The following CCP110 variants were observed in gnomAD, a reference collection of about 807,000 sequenced individuals.
CCP110 encodes the protein centriolar coiled-coil protein 110.
A neutral mutation model predicts 105.5 loss-of-function variants in CCP110; 43 were observed. The observed-to-expected ratio is 0.41, with a 90% CI of 0.32 to 0.53. The LOEUF is 0.53. Ranked by LOEUF, CCP110 falls within the 20% of genes least tolerant of loss-of-function variation. CCP110 has a pLI of 0.32. For synonymous variants in CCP110, 353 were observed against 392.1 expected, an observed-to-expected ratio of 0.90 and a Z score of 1.18; for missense variants, 1,016 against 1,189.1, an observed-to-expected ratio of 0.85 and a Z score of 2.14.
chr16:19,533,847 C>G (rs1969959541), intron 3 of CCP110, among the ~76,000 whole-genome samples: 1 of 152,154 alleles, frequency 6.6e-6, no homozygotes, highest in Non-Finnish European at 1.5e-5. Context: ...TTGCAGCTAT[C>G]TGTTTAGGAA....
exon 4 of CCP110, chr16:19,537,568 G>A (rs139492936): frequency 6.4e-7 from 1 of 1,570,926 alleles, no homozygotes; most frequent in East Asian, 2.2e-5. Context: ...AGAATAAAAT[G>A]TTAGGAACTA....
intron 6 of CCP110, 76 bp from the exon 7 acceptor site, chr16:19,542,545 A>G (rs1970323147): frequency 1.8e-6 from 2 of 1,121,280 alleles, no homozygotes; most frequent in Non-Finnish European, 2.6e-6. Context: ...AATGAGTGTC[A>G]CAAGTGTTTA....
At chr16:19,534,641 GTCTTGTAC>G (rs112846252) in intron 3 of CCP110, among the ~76,000 whole-genome samples, 30,286 of 151,780 alleles carry the variant, frequency 0.2, 3,136 homozygotes, top group African/African-American at 0.23. Flanking sequence ...GACTAAGTAT[GTCTTGTAC>G]TCTTGTACTG....
At chr16:19,540,992 C>T (rs1014197405) in intron 5 of CCP110, among the ~76,000 whole-genome samples, 1 of 151,894 alleles carries the variant, frequency 6.6e-6, no homozygotes, top group African/African-American at 2.4e-5. Flanking sequence ...CATAATTTAT[C>T]GAGAATATTT....
exon 4 of CCP110, chr16:19,537,009 C>T: frequency 6.2e-7 from 1 of 1,614,180 alleles, no homozygotes; most frequent in South Asian, 1.1e-5. Context: ...AAAAATACAT[C>T]TGAAGTCAAA....
intron 4 of CCP110, among the ~76,000 whole-genome samples, chr16:19,538,074 T>C (rs548828032): frequency 1.3e-5 from 2 of 151,886 alleles, no homozygotes; most frequent in East Asian, 3.9e-4. Flanking sequence ...AGGATTTTCT[T>C]TTTTGAGACA....
At chr16:19,533,869 C>G (rs117946741) in intron 3 of CCP110, among the ~76,000 whole-genome samples, 3 of 152,248 alleles carry the variant, frequency 2.0e-5, no homozygotes, top group Non-Finnish European at 4.4e-5. Flanking sequence ...AAAAGGAAGG[C>G]AGTTTTTGTG....
At chr16:19,551,485 G>A in exon 15 of CCP110, 1 of 531,620 alleles carries the variant, frequency 1.9e-6, no homozygotes. Flanking sequence ...CATCATCTCT[G>A]TGCTTACCTA....
chr16:19,537,240 G>C, exon 4 of CCP110: 1 of 1,614,096 alleles, frequency 6.2e-7, no homozygotes. Flanking sequence ...ACTGTGAGTG[G>C]ACTCAAGCCA....
At chr16:19,544,921 C>A in intron 9 of CCP110, 23 bp downstream of exon 9, 2 of 1,251,058 alleles carry the variant, frequency 1.6e-6, no homozygotes, top group Non-Finnish European at 2.3e-6. Context: ...ATCCTGAAGG[C>A]TTTTAAGACA....
At chr16:19,551,068 T>C (rs148282221) in intron 14 of CCP110, 128 bp from the exon 14 acceptor site, 1 of 663,240 alleles carries the variant, frequency 1.5e-6, no homozygotes, top group Non-Finnish European at 2.7e-6. Flanking sequence ...GGATGATTCA[T>C]ATAAGGATTA....
At chr16:19,531,158 A>G (rs775140271) in intron 2 of CCP110, among the ~76,000 whole-genome samples, 13 of 152,190 alleles carry the variant, frequency 8.5e-5, no homozygotes, top group Non-Finnish European at 1.6e-4. Context: ...TTAAAACAAC[A>G]TATTTATCAG....
chr16:19,527,843 A>T, intron 1 of CCP110, 24 bp from the exon 2 acceptor site: 1 of 1,589,554 alleles, frequency 6.3e-7, no homozygotes, highest in Non-Finnish European at 8.6e-7. Flanking sequence ...AGTACATTAA[A>T]AATAACATTT....
intron 2 of CCP110, among the ~76,000 whole-genome samples, chr16:19,528,879 G>A (rs1969768389): frequency 6.6e-6 from 1 of 151,954 alleles, no homozygotes; most frequent in East Asian, 1.9e-4. Context: ...TACAGAGAAA[G>A]ACCCTATCCC....
At chr16:19,532,313 G>C in intron 2 of CCP110, 103 bp from the exon 3 acceptor site, 1 of 914,454 alleles carries the variant, frequency 1.1e-6, no homozygotes. Flanking sequence ...CTATACATTA[G>C]TTTTGCCTGT....
At chr16:19,526,394 G>A (rs1969673336) in intron 1 of CCP110, 2 of 152,130 alleles carry the variant, frequency 1.3e-5, no homozygotes, top group African/African-American at 2.4e-5. Context: ...CAGAAATGGG[G>A]TTAAGAAATA....
intron 4 of CCP110, among the ~76,000 whole-genome samples, chr16:19,539,782 G>A (rs1597267138): frequency 6.6e-6 from 1 of 151,628 alleles, no homozygotes; most frequent in Non-Finnish European, 1.5e-5. Context: ...AAGTACATAA[G>A]ACCAACAGAG....
intron 3 of CCP110, among the ~76,000 whole-genome samples, chr16:19,533,564 G>T (rs1463145746): frequency 6.6e-6 from 1 of 152,208 alleles, no homozygotes; most frequent in Non-Finnish European, 1.5e-5. Flanking sequence ...CATGAGAAAG[G>T]TGGGGGTAGA....
intron 7 of CCP110, 29 bp downstream of exon 7, chr16:19,542,789 C>T: frequency 3.8e-6 from 6 of 1,589,870 alleles, no homozygotes; most frequent in Non-Finnish European, 3.5e-6. Flanking sequence ...ACATGTCCAT[C>T]TATCTATTTA....
Sources: gnomAD v4.1 joint callset for allele counts (sites outside exome capture counted in the v4.1 genomes callset) on GRCh38, gnomAD v4.1.1 for gene constraint, MANE v1.5 for transcripts, NCBI Gene and HGNC (gene_info 2026-07-23, HGNC 2026-07-21) for gene names.